ATP11A: variants seen among roughly 807,000 people sequenced by gnomAD.
ATP11A encodes the protein phospholipid-transporting ATPase IH.
Under a neutral mutation model 154.4 loss-of-function variants are expected in ATP11A, and 81 were observed. That is an observed-to-expected ratio of 0.52 (90% CI 0.44 to 0.63). The LOEUF (loss-of-function observed/expected upper bound fraction) is 0.63. Among genes scored for constraint, ATP11A ranks in the 30% least tolerant of loss-of-function variants. The probability of loss-of-function intolerance (pLI) is 0.00; values close to 1 mark genes in which losing one functional copy is unlikely to be tolerated. For synonymous variants in ATP11A, 623 were observed against 585.9 expected (o/e 1.06, Z -0.91); for missense variants, 1,316 against 1,474.3 (o/e 0.89, Z 1.76).
At chr13:112,786,932 T>C (rs1398505991) in intron 2 of ATP11A, among the ~76,000 whole-genome samples, 1 of 151,042 alleles carries the variant, frequency 6.6e-6, no homozygotes, top group South Asian at 2.1e-4. Flanking sequence ...TCCTGACGTG[T>C]AGACCCCTGT....
intron 2 of ATP11A, among the ~76,000 whole-genome samples, chr13:112,799,143 G>T (rs1220136940): frequency 6.6e-6 from 1 of 152,210 alleles, no homozygotes; most frequent in East Asian, 1.9e-4. Flanking sequence ...ACAACAGAGG[G>T]TCAAAATATG....
chr13:112,693,806 G>C (rs998629647), intron 1 of ATP11A, among the ~76,000 whole-genome samples: 2 of 152,114 alleles, frequency 1.3e-5, no homozygotes, highest in Admixed American at 6.5e-5. Context: ...ACAAAAATTA[G>C]CCGGGCATGG....
intron 18 of ATP11A, 183 bp downstream of exon 18, chr13:112,851,401 TGG>T (rs980237461): frequency 3.2e-5 from 16 of 497,148 alleles, no homozygotes; most frequent in African/African-American, 3.0e-4. Flanking sequence ...AGGTCATGCC[TGG>T]GGGATATTTT....
chr13:112,764,515 T>C (rs1257633813), intron 1 of ATP11A, among the ~76,000 whole-genome samples: 1 of 152,158 alleles, frequency 6.6e-6, no homozygotes, highest in Non-Finnish European at 1.5e-5. Flanking sequence ...GTCTGGAAGG[T>C]CCAGGCCTGG....
intron 1 of ATP11A, among the ~76,000 whole-genome samples, chr13:112,713,959 C>T (rs969139619): frequency 1.8e-5 from 2 of 109,254 alleles, no homozygotes; most frequent in Non-Finnish European, 4.0e-5. Context: ...GATCCCACGC[C>T]TCCCTTCCCA....
At chr13:112,780,494 G>A (rs1393778812) in intron 1 of ATP11A, among the ~76,000 whole-genome samples, 9 of 152,156 alleles carry the variant, frequency 5.9e-5, no homozygotes, top group Admixed American at 1.3e-4. Flanking sequence ...TGTGGGTGTC[G>A]GCGCTTCCTT....
intron 1 of ATP11A, among the ~76,000 whole-genome samples, chr13:112,723,381 C>T (rs1304209256): frequency 1.5e-5 from 2 of 134,096 alleles, no homozygotes; most frequent in African/African-American, 5.7e-5. Flanking sequence ...AGGCTATTCT[C>T]CTGCTTCAGC....
rs755412849 is a variant in ATP11A, at chr13:112,729,734, C to T, written c.39+39279C>T. On this transcript the variant is annotated intron_variant, in intron 1 of 29. Coordinates refer to ENST00000375645, the MANE Select transcript of ATP11A (RefSeq NM_015205.3). ...ATCTTTAGCTGATAGAGTCAGGCCA[C>T]GGTGAGGCCAGCAGGCCGCTGAATC... 4.7e-4 allele frequency among the ~76,000 whole-genome samples: 72 copies of T among 152,250 alleles called. 1 individual carries two copies. The highest frequency in any genetic ancestry group is 8.5e-4 in the Non-Finnish European group (58 of 68,034).
chr13:112,851,148 A>T lies in ATP11A; in HGVS notation c.1921A>T (p.Lys641Ter). 1 of 1,614,216 alleles carries T rather than the reference A, an allele frequency of 6.2e-7. No homozygotes were observed. Among genetic ancestry groups the T allele is most frequent in the Non-Finnish European group, 8.5e-7 (1 of 1,180,034 alleles). ...AGTGGCCCTTCAAGATCGAGAGAAA[A>T]AGTTAGCAGAAGCCTATGAGCAAAT... ...AKVALQDREK[K>*]LAEAYEQIEK... Residue 641 changes from lysine (K) to a stop codon, truncating the protein, a stop_gained, in exon 18 of 30, where the codon AAG becomes TAG. Transcript: ENST00000375645. LOFTEE classifies it high-confidence loss of function.
At chr13:112,819,444 T>C in intron 7 of ATP11A, 37 bp downstream of exon 7, 1 of 1,588,206 alleles carries the variant, frequency 6.3e-7, no homozygotes, top group Non-Finnish European at 8.6e-7. Flanking sequence ...AAACGGTTTT[T>C]TATGCCCTCA....
At chr13:112,850,099 C>A (rs9549571) in intron 17 of ATP11A, among the ~76,000 whole-genome samples, 29 of 152,232 alleles carry the variant, frequency 1.9e-4, no homozygotes, top group Non-Finnish European at 4.0e-4. Flanking sequence ...CTGTCCACAC[C>A]AGTTAAGAGG....
intron 15 of ATP11A, 65 bp from the exon 16 acceptor site, chr13:112,836,113 A>C: frequency 8.1e-7 from 1 of 1,227,748 alleles, no homozygotes. Flanking sequence ...AGAGCTCCAC[A>C]GTTACCAGAT....
chr13:112,867,303 T>A (rs1303862548), intron 25 of ATP11A, among the ~76,000 whole-genome samples: 1 of 152,218 alleles, frequency 6.6e-6, no homozygotes, highest in Non-Finnish European at 1.5e-5. Context: ...AGGCAGGGCC[T>A]GGGTCATACC....
chr13:112,765,755 G>C (rs942983417), intron 1 of ATP11A, among the ~76,000 whole-genome samples: 1 of 152,250 alleles, frequency 6.6e-6, no homozygotes, highest in African/African-American at 2.4e-5. Context: ...CGAAAGCTCT[G>C]ACTGACCGGA....
rs75697195 is a variant in ATP11A, at chr13:112,820,968, A to G, written c.725+1018A>G. Among the ~76,000 whole-genome samples, 6 of 152,340 alleles carry G rather than the reference A, an allele frequency of 3.9e-5. No homozygotes were observed. The East Asian group carries it at 1.2e-3, about 29-fold the overall frequency. On this transcript the variant is annotated intron_variant, in intron 8 of 29. Transcript: ENST00000375645. ...ACTGTTTTAAGAAAACCATTTGTGCACTTCTTAGCATGTGCTTGTTATCAT... is the reference window on the plus strand; with the variant it reads ...ACTGTTTTAAGAAAACCATTTGTGCGCTTCTTAGCATGTGCTTGTTATCAT...
At chr13:112,846,821 G>A (rs2079622760) in intron 17 of ATP11A, among the ~76,000 whole-genome samples, 1 of 152,230 alleles carries the variant, frequency 6.6e-6, no homozygotes, top group South Asian at 2.1e-4. Context: ...TTCAGGCCAT[G>A]CCTTCGTGAT....
At chr13:112,755,765 C>T (rs1278070020) in intron 1 of ATP11A, among the ~76,000 whole-genome samples, 2 of 144,372 alleles carry the variant, frequency 1.4e-5, no homozygotes, top group African/African-American at 5.3e-5. Flanking sequence ...GAGCGGCTCC[C>T]AGAACCATTT....
At position 112,734,416 on chromosome 13, in the gene ATP11A, G is replaced by GTT. The variant is rs1200934165; in HGVS notation, c.39+43963_39+43964dup. ...CTTCATGGAATTTTAGTAACCCAAA[G>GTT]TTTAAGACAGGAGTGAAATTTCTTG... On this transcript the variant is annotated intron_variant, in intron 1 of 29. Transcript: ENST00000375645. 3.9e-5 allele frequency among the ~76,000 whole-genome samples: 6 copies of GTT among 152,296 alleles called. No individual in the cohort carries two copies. In the East Asian group the frequency reaches 1.2e-3, roughly 29 times the overall value.
intron 1 of ATP11A, among the ~76,000 whole-genome samples, chr13:112,774,212 T>C (rs1454955550): frequency 6.6e-6 from 1 of 152,236 alleles, no homozygotes. Flanking sequence ...CAGATTTTAC[T>C]TGGGTCTGGT....
Sources: allele counts gnomAD v4.1 joint callset (sites outside exome capture counted in the v4.1 genomes callset), GRCh38; gene constraint gnomAD v4.1.1; transcripts MANE v1.5; gene names NCBI Gene and HGNC (gene_info 2026-07-23, HGNC 2026-07-21).